KPNA4: variants seen among roughly 807,000 people sequenced by gnomAD.
KPNA4 encodes karyopherin subunit alpha 4.
In KPNA4, 13 loss-of-function variants were observed where a neutral mutation model predicts 71.3. That is an observed-to-expected ratio of 0.18 (90% CI 0.12 to 0.29). KPNA4 has a LOEUF of 0.29. KPNA4 is among the 10% of genes least tolerant of loss of function. The pLI, the probability that KPNA4 is intolerant of heterozygous loss-of-function variation, is 1.00. For missense variants in KPNA4, 334 were observed against 603.2 expected, an observed-to-expected ratio of 0.55 and a Z score of 4.67; for synonymous variants, 189 against 195.2, an observed-to-expected ratio of 0.97 and a Z score of 0.26.
intron 1 of KPNA4, among the ~76,000 whole-genome samples, 196 bp downstream of exon 1, chr3:160,565,018 T>C (rs1390376888): frequency 6.7e-6 from 1 of 149,782 alleles, no homozygotes; most frequent in Non-Finnish European, 1.5e-5. Context: ...GGCACCTCGC[T>C]CCCCGGCGGA....
Position 160,531,574 on chromosome 3 carries a change from C to A in KPNA4, c.288-17G>T. On this transcript the variant is annotated splice_polypyrimidine_tract_variant and intron_variant, in intron 5 of 16. Transcript: ENST00000334256. ...AAAAGCTTCCTGTAAGAGATAAAAA[C>A]ACTCCTGTGAAACTTAATAACATAC... The A allele has an allele frequency of 7.5e-7, 1 of 1,341,876 alleles. No individual in the cohort carries two copies. The highest frequency in any genetic ancestry group is 1.0e-6 in the Non-Finnish European group (1 of 963,098). The allele number at this position is 1,341,876 out of a possible 1,614,324, so 83.1% of individuals were successfully genotyped here.
intron 1 of KPNA4, among the ~76,000 whole-genome samples, chr3:160,553,969 T>C (rs1416531894): frequency 1.3e-5 from 2 of 152,206 alleles, no homozygotes; most frequent in Non-Finnish European, 2.9e-5. Context: ...TCTGGACCTA[T>C]TAGAATGTAA....
intron 11 of KPNA4, 147 bp downstream of exon 11, chr3:160,521,632 C>T: frequency 1.3e-6 from 1 of 746,072 alleles, no homozygotes; most frequent in Non-Finnish European, 2.2e-6. Context: ...ACAATGGCAT[C>T]TTATTATTTA....
chr3:160,564,382 G>C (rs1362246690), intron 1 of KPNA4: 1 of 152,014 alleles, frequency 6.6e-6, no homozygotes, highest in Non-Finnish European at 1.5e-5. Flanking sequence ...GGATACTGTA[G>C]ACTAGAGGAT....
At chr3:160,508,430 TTTTAAA>T (rs944528716) in intron 14 of KPNA4, among the ~76,000 whole-genome samples, 161 bp from the exon 15 acceptor site, 1 of 152,204 alleles carries the variant, frequency 6.6e-6, no homozygotes, top group African/African-American at 2.4e-5. Flanking sequence ...CCTCCTTTTC[TTTTAAA>T]TTTAGTTTCC....
intron 7 of KPNA4, among the ~76,000 whole-genome samples, chr3:160,530,398 G>A (rs1293990324): frequency 6.6e-6 from 1 of 151,930 alleles, no homozygotes. Context: ...AGGGTCTCTT[G>A]AGCCTGGGAG....
chr3:160,520,627 C>T (rs1364636260), intron 11 of KPNA4, among the ~76,000 whole-genome samples: 1 of 152,002 alleles, frequency 6.6e-6, no homozygotes, highest in African/African-American at 2.4e-5. Context: ...TTTTAAGGTA[C>T]AGGGTCTCTA....
intron 1 of KPNA4, among the ~76,000 whole-genome samples, chr3:160,553,137 C>T (rs1039649650): frequency 3.3e-5 from 5 of 152,092 alleles, no homozygotes; most frequent in East Asian, 1.9e-4. Flanking sequence ...AAAGTAAGAA[C>T]GGAGGTGGAC....
chr3:160,532,188 A>T lies in KPNA4; in HGVS notation c.288-631T>A, dbSNP rs147933142. ...AACTAATTTTTAAAAAATACATGTT[A>T]CTTTTGGACATAATTTTGAGTTCAG... On this transcript the variant is annotated intron_variant, in intron 5 of 16. Transcript: ENST00000334256. 3.2e-4 allele frequency among the ~76,000 whole-genome samples: 48 copies of T among 152,374 alleles called. No individual in the cohort carries two copies. The East Asian group carries it at 9.2e-3, about 29-fold the overall frequency.
At chr3:160,525,910 C>A (rs749514999) in intron 9 of KPNA4, 28 bp downstream of exon 9, 3 of 1,536,810 alleles carry the variant, frequency 2.0e-6, no homozygotes, top group Non-Finnish European at 2.6e-6. Context: ...AATGGTATCT[C>A]TTTTAATTTT....
At chr3:160,542,855 T>C (rs1302151393) in intron 1 of KPNA4, among the ~76,000 whole-genome samples, 1 of 152,194 alleles carries the variant, frequency 6.6e-6, no homozygotes, top group Non-Finnish European at 1.5e-5. Context: ...AGTCTATAGA[T>C]TCCATACTTT....
At chr3:160,522,465 T>TC (rs1233872637) in intron 10 of KPNA4, among the ~76,000 whole-genome samples, 1 of 152,210 alleles carries the variant, frequency 6.6e-6, no homozygotes, top group East Asian at 1.9e-4. Flanking sequence ...AGACAACTTT[T>TC]TTTTTTTTTT....
intron 16 of KPNA4, among the ~76,000 whole-genome samples, chr3:160,504,279 G>C (rs1720939338): frequency 1.3e-5 from 2 of 151,922 alleles, no homozygotes; most frequent in Admixed American, 6.6e-5. Flanking sequence ...TGATAATATG[G>C]AAAGGCATGC....
chr3:160,564,926 C>T (rs1259354611), intron 1 of KPNA4, among the ~76,000 whole-genome samples: 4 of 146,672 alleles, frequency 2.7e-5, no homozygotes, highest in Non-Finnish European at 6.1e-5. Context: ...CGCGCCCGGC[C>T]TCCCCGCCGC....
intron 1 of KPNA4, among the ~76,000 whole-genome samples, chr3:160,563,578 G>GT (rs1722285123): frequency 6.6e-6 from 1 of 152,192 alleles, no homozygotes; most frequent in Non-Finnish European, 1.5e-5. Context: ...GGAAAAAAGG[G>GT]TTATAGGGAT....
At chr3:160,522,343 A>C (rs1721365693) in intron 10 of KPNA4, among the ~76,000 whole-genome samples, 1 of 152,248 alleles carries the variant, frequency 6.6e-6, no homozygotes, top group Non-Finnish European at 1.5e-5. Flanking sequence ...GGAGTTCTCT[A>C]GTATTGTAAG....
At chr3:160,513,907 T>C (rs757356971) in intron 13 of KPNA4, among the ~76,000 whole-genome samples, 170 bp downstream of exon 13, 2 of 148,724 alleles carry the variant, frequency 1.3e-5, no homozygotes, top group Non-Finnish European at 3.0e-5. Context: ...AAGTTTCTTG[T>C]ATATAAAAAT....
rs574185038 is a variant in KPNA4, at chr3:160,525,893, T to C, written c.726+45A>G. On this transcript the variant is annotated intron_variant, in intron 9 of 16. Coordinates refer to ENST00000334256, the MANE Select transcript of KPNA4 (RefSeq NM_002268.5). ...TAAAAACATACACAAATAAAAAATA[T>C]ATATATAATGGTATCTCTTTTAATT... 1.1e-5 allele frequency: 17 copies of C among 1,518,848 alleles called. No individual in the cohort carries two copies. The African/African-American group carries it at 1.7e-4, about 15-fold the overall frequency. 94.1% of individuals were successfully genotyped at this position (1,518,848 alleles called of 1,614,324 possible).
chr3:160,553,914 T>C (rs1278195749), intron 1 of KPNA4, among the ~76,000 whole-genome samples: 1 of 152,228 alleles, frequency 6.6e-6, no homozygotes, highest in Non-Finnish European at 1.5e-5. Flanking sequence ...ACTGATTGAA[T>C]TTACCCACAG....
Sources: gnomAD v4.1 joint callset for allele counts (sites outside exome capture counted in the v4.1 genomes callset) on GRCh38, gnomAD v4.1.1 for gene constraint, MANE v1.5 for transcripts, NCBI Gene and HGNC (gene_info 2026-07-23, HGNC 2026-07-21) for gene names.